Variants in NIBAN1 observed in about 807,000 individuals in gnomAD.
NIBAN1 encodes the protein niban apoptosis regulator 1.
A neutral mutation model predicts 75.1 loss-of-function variants in NIBAN1; 81 were observed. The observed-to-expected ratio is 1.08, with a 90% CI of 0.90 to 1.30. NIBAN1 has a LOEUF of 1.30. Among genes scored for constraint, NIBAN1 ranks in the 50% most tolerant of loss-of-function variants. The pLI, the probability that NIBAN1 is intolerant of heterozygous loss-of-function variation, is 0.00. For synonymous variants in NIBAN1, 436 were observed against 424.8 expected, an observed-to-expected ratio of 1.03 and a Z score of -0.32; for missense variants, 1,133 against 1,128.1, an observed-to-expected ratio of 1.00 and a Z score of -0.06.
At chr1:184,801,472 A>G (rs1654039392) in intron 12 of NIBAN1, among the ~76,000 whole-genome samples, 1 of 152,166 alleles carries the variant, frequency 6.6e-6, no homozygotes, top group Non-Finnish European at 1.5e-5. Flanking sequence ...CCTCTGCTAA[A>G]TGAGAGGCAC....
At chr1:184,941,621 G>A (rs904785666) in intron 1 of NIBAN1, among the ~76,000 whole-genome samples, 2 of 145,928 alleles carry the variant, frequency 1.4e-5, no homozygotes, top group African/African-American at 5.2e-5. Flanking sequence ...CTGCACTCCA[G>A]CCTGGGCTTT....
chr1:184,915,101 C>G (rs1204616023), intron 1 of NIBAN1, among the ~76,000 whole-genome samples: 1 of 152,168 alleles, frequency 6.6e-6, no homozygotes, highest in African/African-American at 2.4e-5. Flanking sequence ...CCTTTCATGT[C>G]TTCATCTTAA....
At chr1:184,898,126 T>C (rs549950921) in intron 2 of NIBAN1, among the ~76,000 whole-genome samples, 2 of 152,174 alleles carry the variant, frequency 1.3e-5, no homozygotes, top group Non-Finnish European at 2.9e-5. Flanking sequence ...CTGCTGTCAT[T>C]GTTCCTCCCT....
At chr1:184,934,314 A>G (rs562602082) in intron 1 of NIBAN1, among the ~76,000 whole-genome samples, 2 of 152,298 alleles carry the variant, frequency 1.3e-5, no homozygotes, top group African/African-American at 4.8e-5. Context: ...ATTGGAAACT[A>G]CTAGAGGGAG....
chr1:184,946,744 A>G (rs1658233884), intron 1 of NIBAN1, among the ~76,000 whole-genome samples: 1 of 152,218 alleles, frequency 6.6e-6, no homozygotes, highest in Non-Finnish European at 1.5e-5. Context: ...CACTCTTCAT[A>G]TTTTCATAAA....
intron 9 of NIBAN1, among the ~76,000 whole-genome samples, chr1:184,818,151 T>C (rs1654590406): frequency 6.6e-6 from 1 of 152,196 alleles, no homozygotes; most frequent in Non-Finnish European, 1.5e-5. Context: ...TTTAATCAAA[T>C]TTCATATCAT....
intron 1 of NIBAN1, among the ~76,000 whole-genome samples, chr1:184,951,440 C>G (rs1354227456): frequency 6.6e-6 from 1 of 152,176 alleles, no homozygotes; most frequent in Non-Finnish European, 1.5e-5. Flanking sequence ...TTCCCCCAGT[C>G]TTCCTTCTTT....
chr1:184,858,696 G>A (rs1050326378), intron 5 of NIBAN1, among the ~76,000 whole-genome samples: 11 of 152,180 alleles, frequency 7.2e-5, no homozygotes, highest in Non-Finnish European at 1.3e-4. Flanking sequence ...CACGGGCACT[G>A]CCTCATAGAA....
At chr1:184,836,515 C>T (rs1316970572) in intron 5 of NIBAN1, among the ~76,000 whole-genome samples, 3 of 152,208 alleles carry the variant, frequency 2.0e-5, no homozygotes, top group African/African-American at 4.8e-5. Flanking sequence ...ATGACACTCC[C>T]ACTGATGGCT....
intron 1 of NIBAN1, among the ~76,000 whole-genome samples, chr1:184,900,494 G>A (rs543569911): frequency 3.9e-4 from 60 of 152,292 alleles, no homozygotes; most frequent in African/African-American, 1.4e-3. Context: ...ACAATGACCA[G>A]AAACTGCAAT....
chr1:184,888,111 C>T (rs1656574351), intron 4 of NIBAN1: 1 of 152,190 alleles, frequency 6.6e-6, no homozygotes, highest in African/African-American at 2.4e-5. Context: ...ATTACTTGAG[C>T]CCAGGAGGTC....
At position 184,795,916 on chromosome 1, in the gene NIBAN1, G is replaced by A. The variant is rs146743466; in HGVS notation, c.1848C>T (p.Asn616=). ...PGVLGSETLS[N]EVFQESEEEK... ...CTTCCTCTGACTCCTGGAATACTTC[G>A]TTACTGAGGGTCTCACTACCCAGAA... The change falls in exon 14 of 14, where the codon AAC becomes AAT. Residue 616 remains asparagine, a synonymous_variant. Transcript: ENST00000367511. 2,249 of 1,614,116 alleles carry A rather than the reference G, an allele frequency of 1.4e-3. 23 individuals are homozygous for A. In the South Asian group the frequency reaches 0.014, roughly 10 times the overall value.
At chr1:184,827,943 G>T (rs567609847) in intron 6 of NIBAN1, among the ~76,000 whole-genome samples, 1 of 151,156 alleles carries the variant, frequency 6.6e-6, no homozygotes, top group African/African-American at 2.4e-5. Flanking sequence ...CTAAAAATGC[G>T]GGTAGTTTTG....
intron 3 of NIBAN1, among the ~76,000 whole-genome samples, chr1:184,890,840 T>A (rs1199044181): frequency 2.6e-5 from 4 of 152,166 alleles, no homozygotes; most frequent in Non-Finnish European, 5.9e-5. Context: ...GCTCTGCTAT[T>A]TGAGACACAG....
At chr1:184,888,174 G>A (rs1332748557) in intron 4 of NIBAN1, 1 of 152,242 alleles carries the variant, frequency 6.6e-6, no homozygotes, top group Non-Finnish European at 1.5e-5. Flanking sequence ...GGGCAACAGA[G>A]TGAGACTCTG....
Position 184,798,160 on chromosome 1 carries a change from CA to C in NIBAN1, c.1584del (p.Phe528LeufsTer7), listed in dbSNP as rs755405217. The C allele has an allele frequency of 4.2e-5, 67 of 1,606,684 alleles. No homozygotes were observed. Among genetic ancestry groups the C allele is most frequent in the Non-Finnish European group, 5.5e-5 (65 of 1,174,520 alleles). On this transcript the variant is annotated frameshift_variant, in exon 13 of 14. Transcript: ENST00000367511. LOFTEE classifies it high-confidence loss of function. ...ACGTGAATCATATTGGTATGATCTG[CA>C]AAGATGAACTGCTCGTATTTCTGAA... is the stretch of plus-strand genomic sequence containing the variant. ...PELQKYEQFI[F>X]ADHTNMIHVE...
intron 5 of NIBAN1, among the ~76,000 whole-genome samples, chr1:184,870,003 A>G (rs2102286435): frequency 6.6e-6 from 1 of 152,318 alleles, no homozygotes; most frequent in Admixed American, 6.5e-5. Flanking sequence ...CCTAGGCAAC[A>G]ACGATTCTCT....
intron 5 of NIBAN1, among the ~76,000 whole-genome samples, chr1:184,855,905 T>C (rs1375302415): frequency 6.6e-6 from 1 of 152,238 alleles, no homozygotes; most frequent in Non-Finnish European, 1.5e-5. Flanking sequence ...AGTATTCATC[T>C]AGACCCATGT....
At chr1:184,842,764 C>A (rs1205234285) in intron 5 of NIBAN1, among the ~76,000 whole-genome samples, 290 of 120,312 alleles carry the variant, frequency 2.4e-3, no homozygotes, top group Middle Eastern at 4.2e-3. Context: ...AACTCTGTCT[C>A]AAAAAAAAAA....
Sources: allele counts gnomAD v4.1 joint callset (sites outside exome capture counted in the v4.1 genomes callset), GRCh38; gene constraint gnomAD v4.1.1; transcripts MANE v1.5; gene names NCBI Gene and HGNC (gene_info 2026-07-23, HGNC 2026-07-21).